The following CACNA2D3 variants were observed in gnomAD, a reference collection of about 807,000 sequenced individuals.
The protein encoded by CACNA2D3 is calcium voltage-gated channel auxiliary subunit alpha2delta 3.
In CACNA2D3, 60 loss-of-function variants were observed where a neutral mutation model predicts 160.6. The observed-to-expected ratio is 0.37, with a 90% confidence interval of 0.30 to 0.46. CACNA2D3 has a LOEUF of 0.46. Among genes scored for constraint, CACNA2D3 ranks in the 20% least tolerant of loss-of-function variants. The pLI is 1.00. For synonymous variants in CACNA2D3, 558 were observed against 492.9 expected, an observed-to-expected ratio of 1.13 and a Z score of -1.75; for missense variants, 1,205 against 1,365.0, an observed-to-expected ratio of 0.88 and a Z score of 1.85.
intron 11 of CACNA2D3, among the ~76,000 whole-genome samples, chr3:54,672,599 C>T (rs2359862): frequency 0.015 from 2,219 of 152,268 alleles, 43 homozygotes; most frequent in African/African-American, 0.044. Context: ...GACCTGAACA[C>T]GTTGGTTGTT....
At chr3:54,331,724 G>T (rs909180824) in intron 3 of CACNA2D3, among the ~76,000 whole-genome samples, 2 of 152,186 alleles carry the variant, frequency 1.3e-5, no homozygotes, top group Non-Finnish European at 2.9e-5. Flanking sequence ...CTTTTTTAAA[G>T]TTCCTGAACT....
intron 4 of CACNA2D3, among the ~76,000 whole-genome samples, chr3:54,459,606 T>G (rs1408648735): frequency 7.2e-5 from 11 of 152,142 alleles, no homozygotes; most frequent in Non-Finnish European, 1.3e-4. Context: ...TTCGCCCACT[T>G]TCTGATGGGG....
rs78999768 is a variant in CACNA2D3, at chr3:54,985,597, C to G, written c.2619+927C>G. On this transcript the variant is annotated intron_variant, in intron 30 of 37. Transcript: ENST00000474759. ...GGCTCTGTGCAATGAGGATGGTTGACGATATAAGGTTTCTTCTAATTCAAA... is the reference window on the plus strand; with the variant it reads ...GGCTCTGTGCAATGAGGATGGTTGAGGATATAAGGTTTCTTCTAATTCAAA... 2.0e-4 allele frequency among the ~76,000 whole-genome samples: 31 copies of G among 152,168 alleles called. No homozygotes were observed. The East Asian group carries it at 6.0e-3, about 29-fold the overall frequency.
intron 27 of CACNA2D3, among the ~76,000 whole-genome samples, chr3:54,931,590 G>A (rs555208620): frequency 1.1e-3 from 174 of 152,252 alleles, no homozygotes; most frequent in Non-Finnish European, 2.3e-3. Flanking sequence ...CACTATGAGG[G>A]TCTCCTGGCC....
chr3:54,403,535 C>T (rs889625955), intron 4 of CACNA2D3, among the ~76,000 whole-genome samples: 5 of 151,850 alleles, frequency 3.3e-5, no homozygotes, highest in African/African-American at 7.3e-5. Context: ...AGAAATATTT[C>T]AAATAATAAG....
At position 54,907,086 on chromosome 3, in the gene CACNA2D3, G is replaced by A. The variant is rs117609109; in HGVS notation, c.2449+7218G>A. On this transcript the variant is annotated intron_variant, in intron 27 of 37. Transcript: ENST00000474759. ...TTCTAAACTCCTCAAAAGCCCCAAC[G>A]CGCCCTCCACTCAAAAATGAGCAGC... Among the ~76,000 whole-genome samples the A allele has an allele frequency of 8.6e-3, 1,306 of 152,226 alleles. 33 individuals are homozygous for A. Among genetic ancestry groups the A allele is most frequent in the Admixed American group, 0.042 (647 of 15,288 alleles).
At chr3:55,012,830 C>T (rs1703239400) in intron 34 of CACNA2D3, among the ~76,000 whole-genome samples, 1 of 152,084 alleles carries the variant, frequency 6.6e-6, no homozygotes, top group African/African-American at 2.4e-5. Flanking sequence ...GAGTAGGGGA[C>T]AGTGACTAAG....
intron 13 of CACNA2D3, among the ~76,000 whole-genome samples, chr3:54,785,881 T>C (rs1417939735): frequency 6.6e-6 from 1 of 152,198 alleles, no homozygotes; most frequent in African/African-American, 2.4e-5. Context: ...ATTAGCAATG[T>C]GCCATCTACC....
intron 17 of CACNA2D3, among the ~76,000 whole-genome samples, chr3:54,847,006 A>AT (rs1215832310): frequency 6.6e-6 from 1 of 152,242 alleles, no homozygotes; most frequent in Non-Finnish European, 1.5e-5. Context: ...TTTCCTGCCT[A>AT]TGTCATATCC....
intron 3 of CACNA2D3, among the ~76,000 whole-genome samples, chr3:54,376,776 G>A (rs1699020234): frequency 6.6e-6 from 1 of 152,190 alleles, no homozygotes; most frequent in Admixed American, 6.5e-5. Context: ...GTATTATAAA[G>A]TTGCTGGAGT....
intron 11 of CACNA2D3, among the ~76,000 whole-genome samples, chr3:54,663,846 A>T (rs1016973785): frequency 6.6e-6 from 1 of 152,096 alleles, no homozygotes; most frequent in African/African-American, 2.4e-5. Flanking sequence ...GAAGATGGCC[A>T]CTTCACTGCC....
At chr3:54,264,531 G>T (rs1702466184) in intron 2 of CACNA2D3, among the ~76,000 whole-genome samples, 1 of 152,134 alleles carries the variant, frequency 6.6e-6, no homozygotes, top group Non-Finnish European at 1.5e-5. Flanking sequence ...CACTGGAAGA[G>T]GTTTAATGTC....
At chr3:54,425,352 C>T (rs1417586192) in intron 4 of CACNA2D3, among the ~76,000 whole-genome samples, 2 of 151,558 alleles carry the variant, frequency 1.3e-5, no homozygotes, top group African/African-American at 4.9e-5. Context: ...AACAAACAAA[C>T]AAAGAAGTCA....
At chr3:54,153,095 A>G (rs1700181198) in intron 2 of CACNA2D3, among the ~76,000 whole-genome samples, 1 of 152,208 alleles carries the variant, frequency 6.6e-6, no homozygotes, top group South Asian at 2.1e-4. Context: ...TTGAGGACCC[A>G]TGGTGCAGAA....
chr3:54,952,270 C>T (rs1701776258), intron 27 of CACNA2D3, among the ~76,000 whole-genome samples: 1 of 152,212 alleles, frequency 6.6e-6, no homozygotes, highest in African/African-American at 2.4e-5. Flanking sequence ...CCTGTGGGCA[C>T]AGGTTTCCTA....
chr3:54,973,537 C>T (rs571833819), intron 29 of CACNA2D3, among the ~76,000 whole-genome samples: 5 of 152,278 alleles, frequency 3.3e-5, no homozygotes, highest in African/African-American at 1.2e-4. Flanking sequence ...ATCTCTAAGA[C>T]TTTTCTAAGG....
At chr3:54,803,347 A>G (rs1276885693) in intron 13 of CACNA2D3, among the ~76,000 whole-genome samples, 2 of 152,172 alleles carry the variant, frequency 1.3e-5, no homozygotes, top group Non-Finnish European at 2.9e-5. Context: ...AGAATAACCA[A>G]TACAGAGAAG....
intron 4 of CACNA2D3, among the ~76,000 whole-genome samples, chr3:54,401,023 TAATCTC>T (rs1349593121): frequency 6.6e-6 from 1 of 152,112 alleles, no homozygotes; most frequent in Non-Finnish European, 1.5e-5. Flanking sequence ...ATCTGAATGA[TAATCTC>T]AACGGAGATA....
intron 4 of CACNA2D3, among the ~76,000 whole-genome samples, chr3:54,467,258 GC>G (rs1317828466): frequency 6.6e-6 from 1 of 152,188 alleles, no homozygotes; most frequent in Non-Finnish European, 1.5e-5. Context: ...TCTGTGTGCT[GC>G]CCTTGACAGC....
Sources: gnomAD v4.1 joint callset for allele counts (sites outside exome capture counted in the v4.1 genomes callset) on GRCh38, gnomAD v4.1.1 for gene constraint, MANE v1.5 for transcripts, NCBI Gene and HGNC (gene_info 2026-07-23, HGNC 2026-07-21) for gene names.